The following MYB variants were observed in gnomAD, a reference collection of about 807,000 sequenced individuals.
The protein encoded by MYB is transcriptional activator Myb.
MYB carries 28 observed loss-of-function variants against 92.9 expected under a neutral mutation model. The ratio of observed to expected loss-of-function variants is 0.30; its 90% CI spans 0.22 to 0.41. MYB has a LOEUF of 0.41. Among genes scored for constraint, MYB ranks in the 10% least tolerant of loss-of-function variants. The pLI, the probability that MYB is intolerant of heterozygous loss-of-function variation, is 1.00. For synonymous variants in MYB, 295 were observed against 329.1 expected (o/e 0.90, Z 1.12); for missense variants, 679 against 929.3 (o/e 0.73, Z 3.50).
Position 135,193,873 on chromosome 6 carries a change from T to C in MYB, c.798T>C (p.His266=), listed in dbSNP as rs757039913. 1 of 1,613,424 alleles carries C rather than the reference T, an allele frequency of 6.2e-7. No individual in the cohort carries two copies. Among genetic ancestry groups the C allele is most frequent in the Non-Finnish European group, 8.5e-7 (1 of 1,179,342 alleles). The part of the protein sequence containing the change: ...SSHVPYPVAL[H]VNIVNVPQPA... ...ATGTTCCATACCCTGTAGCGTTACA[T>C]GTAAATATAGTCAATGTCCCTCAGC... is the stretch of plus-strand genomic sequence containing the variant. The change falls in exon 7 of 16, where the codon CAT becomes CAC. Residue 266 remains histidine (H), a synonymous_variant. Transcript: ENST00000341911.
intron 7 of MYB, 70 bp from the exon 8 acceptor site, chr6:135,194,286 G>A: frequency 8.4e-7 from 1 of 1,183,846 alleles, no homozygotes. Flanking sequence ...TGACCATATT[G>A]GCTACACCCA....
intron 1 of MYB, among the ~76,000 whole-genome samples, chr6:135,185,173 T>G (rs1775751596): frequency 6.6e-6 from 1 of 152,204 alleles, no homozygotes; most frequent in South Asian, 2.1e-4. Flanking sequence ...ACAAGTGGCC[T>G]AATTATTCAC....
chr6:135,183,269 A>C (rs1034837455), intron 1 of MYB, among the ~76,000 whole-genome samples: 1 of 151,858 alleles, frequency 6.6e-6, no homozygotes, highest in Non-Finnish European at 1.5e-5. Flanking sequence ...GCGAGCGTCA[A>C]CTCGGCAGGG....
chr6:135,216,924 A>C (rs1305917077), intron 15 of MYB, among the ~76,000 whole-genome samples: 2 of 152,196 alleles, frequency 1.3e-5, no homozygotes, highest in Admixed American at 6.5e-5. Flanking sequence ...TTCTGTCTCC[A>C]TTCTCGAGCC....
At chr6:135,195,697 C>T in intron 8 of MYB, 51 bp from the exon 9 acceptor site, 1 of 1,591,482 alleles carries the variant, frequency 6.3e-7, no homozygotes, top group Non-Finnish European at 8.6e-7. Flanking sequence ...TAAGTTCCTT[C>T]TCCCTTTCTT....
chr6:135,214,783 C>T (rs1033449931), intron 15 of MYB, among the ~76,000 whole-genome samples: 10 of 152,100 alleles, frequency 6.6e-5, no homozygotes, highest in African/African-American at 2.2e-4. Context: ...TTTCATGTTT[C>T]GGGAATTTGT....
At chr6:135,203,644 T>G (rs1778454201) in intron 15 of MYB, 2 of 1,190,198 alleles carry the variant, frequency 1.7e-6, no homozygotes, top group African/African-American at 3.1e-5. Context: ...TGCCCTCAAA[T>G]GTTTTATAAA....
At position 135,206,230 on chromosome 6, in the gene MYB, ATAAT is replaced by A. The variant is rs1562391392; in HGVS notation, c.2169+2907_2169+2910del. Among the ~76,000 whole-genome samples the A allele has an allele frequency of 2.1e-3, 295 of 139,974 alleles. 2 individuals carry two copies. Among genetic ancestry groups the A allele is most frequent in the African/African-American group, 7.8e-3 (288 of 36,898 alleles). The allele number at this position is 139,974 out of a possible 152,430, so 91.8% of individuals were successfully genotyped here. A position where few individuals can be genotyped will look rare whatever the true frequency, so the allele number is the denominator to read the frequency against. On this transcript the variant is annotated intron_variant, in intron 15 of 15. Transcript: ENST00000341911. The stretch of plus-strand genomic sequence containing the variant: ...CAAAAAAAAAAAAAAAAAAAAAATA[ATAAT>A]AATAATAATAATAATTAGCTGGGTG...
rs1225815834 is a variant in MYB at position 135,182,624 on chromosome 6, C to T, written c.23+1088C>T. Among the ~76,000 whole-genome samples, 4 of 152,242 alleles carry T rather than the reference C, an allele frequency of 2.6e-5. No individual in the cohort carries two copies. Among genetic ancestry groups the T allele is most frequent in the African/African-American group, 9.6e-5 (4 of 41,472 alleles). The stretch of plus-strand genomic sequence containing the variant: ...CTTCAGCCGCCTTAGGTCGCCCCGG[C>T]CGAGGCGCGGTGACCGGACAGACCC... On this transcript the variant is annotated intron_variant, in intron 1 of 15. Transcript: ENST00000341911. This position sits in a 1 kb window ranked among gnomAD's most constrained non-coding sequence, Gnocchi z 5.6.
At position 135,203,021 on chromosome 6, in the gene MYB, C is replaced by T. The variant is rs577867963; in HGVS notation, c.2062-196C>T. ...GAGCTTTGTGTTGTGGTGATGTTTG[C>T]CACAATGGGATTAAGGTTCAGACAT... On this transcript the variant is annotated intron_variant, in intron 14 of 15. Transcript: ENST00000341911. 9.5e-4 allele frequency: 667 copies of T among 702,224 alleles called. 1 individual carries two copies. The highest frequency in any genetic ancestry group is 1.6e-3 in the Non-Finnish European group (612 of 384,744). 43.5% of individuals were successfully genotyped at this position (702,224 alleles called of 1,614,324 possible). A position where few individuals can be genotyped will look rare whatever the true frequency, so the allele number is the denominator to read the frequency against.
rs1776234218 is a variant in MYB, at chr6:135,188,525, T to G, written c.213+620T>G. Reference sequence around the variant, plus strand: ...TTTTTTTGTTTTTTGTTTTTTGTTTTTTGAGATGGAATCTAGCTTTGTTGC... The same window carrying G: ...TTTTTTTGTTTTTTGTTTTTTGTTTGTTGAGATGGAATCTAGCTTTGTTGC... On this transcript the variant is annotated intron_variant, in intron 3 of 15. Coordinates refer to ENST00000341911, the MANE Select transcript of MYB (RefSeq NM_001130173.2). Among the ~76,000 whole-genome samples, 5 of 151,646 alleles carry G rather than the reference T, an allele frequency of 3.3e-5. No homozygotes were observed. The South Asian group carries it at 1.0e-3, about 32-fold the overall frequency.
chr6:135,213,310 CTT>C (rs1779999011), intron 15 of MYB, among the ~76,000 whole-genome samples: 1 of 152,142 alleles, frequency 6.6e-6, no homozygotes, highest in Non-Finnish European at 1.5e-5. Context: ...GGTAAATTCT[CTT>C]TTGACTTAGG....
At chr6:135,208,265 G>A (rs1779248121) in intron 15 of MYB, among the ~76,000 whole-genome samples, 1 of 151,426 alleles carries the variant, frequency 6.6e-6, no homozygotes, top group South Asian at 2.1e-4. Context: ...TTTTAGTAGG[G>A]ACGGGGTTTC....
intron 15 of MYB, among the ~76,000 whole-genome samples, chr6:135,206,022 G>A (rs1013265763): frequency 1.6e-4 from 25 of 151,718 alleles, no homozygotes; most frequent in Non-Finnish European, 3.1e-4. Context: ...TGGCTAACAC[G>A]GTGAAACCCC....
rs370405362 is a variant in MYB, at chr6:135,197,301, G to C, written c.1544G>C (p.Ser515Thr). 2 of 1,612,370 alleles carry C rather than the reference G, an allele frequency of 1.2e-6. No homozygotes were observed. Among genetic ancestry groups the C allele is most frequent in the African/African-American group, 2.7e-5 (2 of 74,822 alleles). ...SSTPKRSPVK[S>T]LPFSPSQFLN... ...ACTCCCAAGCGTTCCCCTGTCAAAAGCCTACCCTTCTCTCCCTCGCAGGTA... is the reference window on the plus strand; with the variant it reads ...ACTCCCAAGCGTTCCCCTGTCAAAACCCTACCCTTCTCTCCCTCGCAGGTA... Residue 515 changes from serine to threonine, a missense_variant, in exon 10 of 16, where the codon AGC becomes ACC. Ser to Thr is a moderately conservative substitution (Grantham distance 58, BLOSUM62 1). This residue lies in a region of MYB where 402 missense variants were observed against 434.2 expected (regional missense o/e 0.93). Transcript: ENST00000341911.
intron 15 of MYB, among the ~76,000 whole-genome samples, chr6:135,208,009 G>A (rs574224168): frequency 1.3e-5 from 2 of 151,062 alleles, no homozygotes; most frequent in African/African-American, 4.9e-5. Flanking sequence ...TTATAGATGT[G>A]AGCCACCACG....
At chr6:135,204,599 A>G (rs3819410) in intron 15 of MYB, among the ~76,000 whole-genome samples, 67,244 of 152,084 alleles carry the variant, frequency 0.44, 15,398 homozygotes, top group African/African-American at 0.57. Flanking sequence ...TACCGCACCT[A>G]GCCAGTGCGT....
intron 2 of MYB, 82 bp downstream of exon 2, chr6:135,186,102 T>A: frequency 1.7e-6 from 2 of 1,168,244 alleles, no homozygotes; most frequent in East Asian, 2.5e-5. Flanking sequence ...AAACTACAGG[T>A]GCTCAAGCTC....
rs1583309871 is a variant in MYB, at chr6:135,197,125, G to A, written c.1368G>A (p.Leu456=). 6.2e-7 allele frequency: 1 copy of A among 1,614,010 alleles called. No individual in the cohort carries two copies. The highest frequency in any genetic ancestry group is 1.6e-4 in the Middle Eastern group (1 of 6,062). Residue 456 remains leucine, a synonymous_variant, in exon 10 of 16, where the codon TTG becomes TTA. Coordinates refer to ENST00000341911, the MANE Select transcript of MYB (RefSeq NM_001130173.2). ...GCCCAAGGGTGAACAAACGTATGTT[G>A]AGTGAGAGTTCACTTGACCCACCCA... ...EPSPRVNKRM[L]SESSLDPPKV...
Sources: allele counts gnomAD v4.1 joint callset (sites outside exome capture counted in the v4.1 genomes callset), GRCh38; gene constraint gnomAD v4.1.1; regional missense constraint gnomAD v4.1.1; non-coding constraint Gnocchi (gnomAD v3.1); transcripts MANE v1.5; gene names NCBI Gene and HGNC (gene_info 2026-07-23, HGNC 2026-07-21).